SBF2: variants seen among roughly 807,000 people sequenced by gnomAD.
The protein encoded by SBF2 is myotubularin-related protein 13.
A neutral mutation model predicts 225.2 loss-of-function variants in SBF2; 112 were observed. That is an observed-to-expected ratio of 0.50 (90% confidence interval 0.43 to 0.58). The LOEUF (loss-of-function observed/expected upper bound fraction) is 0.58. Among genes scored for constraint, SBF2 ranks in the 20% least tolerant of loss-of-function variants. SBF2 has a pLI of 0.00. For synonymous variants in SBF2, 763 were observed against 773.3 expected (o/e 0.99, Z 0.22); for missense variants, 1,996 against 2,206.2 (o/e 0.90, Z 1.91).
In SBF2 at chr11:9,859,949, T is replaced by TG. The variant is rs1246208365; in HGVS notation, c.1930-1554_1930-1553insC. On this transcript the variant is annotated intron_variant, in intron 17 of 39. Coordinates refer to ENST00000256190, the MANE Select transcript of SBF2 (RefSeq NM_030962.4). ...CTCAATTCTCCCTATTAAGTGGCTG[T>TG]AAGTTGTGGCTATGAAGCAAAAATC... Among the ~76,000 whole-genome samples, 3 of 152,342 alleles carry TG rather than the reference T, an allele frequency of 2.0e-5. No individual in the cohort carries two copies. The East Asian group carries it at 5.8e-4, about 29-fold the overall frequency.
chr11:9,881,084 T>G (rs565836190), intron 17 of SBF2, among the ~76,000 whole-genome samples: 10 of 152,348 alleles, frequency 6.6e-5, no homozygotes, highest in Admixed American at 5.2e-4. Flanking sequence ...ACAGAGATAC[T>G]AGTGCTCCTT....
At chr11:9,826,749 G>A (rs990504664) in intron 28 of SBF2, among the ~76,000 whole-genome samples, 1 of 150,720 alleles carries the variant, frequency 6.6e-6, no homozygotes, top group Non-Finnish European at 1.5e-5. Flanking sequence ...GTGTGTGTGT[G>A]TATGTGTGTG....
intron 2 of SBF2, among the ~76,000 whole-genome samples, chr11:10,066,574 C>T (rs1950631750): frequency 6.6e-6 from 1 of 152,108 alleles, no homozygotes; most frequent in African/African-American, 2.4e-5. Context: ...TGAGCAAACA[C>T]TTCTGTTAAA....
At chr11:9,971,154 C>A (rs897564676) in intron 13 of SBF2, among the ~76,000 whole-genome samples, 4 of 151,764 alleles carry the variant, frequency 2.6e-5, no homozygotes, top group African/African-American at 9.7e-5. Flanking sequence ...AAAGTATATT[C>A]ATTACTTTGG....
intron 2 of SBF2, among the ~76,000 whole-genome samples, chr11:10,133,543 C>A (rs1256629425): frequency 7.4e-6 from 1 of 135,646 alleles, no homozygotes; most frequent in Admixed American, 7.6e-5. Flanking sequence ...CAGCCACTGG[C>A]CTGGGTGCTA....
chr11:10,294,320 GC>G (rs1166726549), upstream of SBF2: 3 of 340,548 alleles, frequency 8.8e-6, no homozygotes, highest in Non-Finnish European at 1.6e-5. Context: ...CCCTCCGCGG[GC>G]CTCGCGGACT....
At chr11:9,821,657 G>T (rs1028988842) in intron 28 of SBF2, among the ~76,000 whole-genome samples, 4 of 152,026 alleles carry the variant, frequency 2.6e-5, no homozygotes, top group African/African-American at 9.7e-5. Context: ...TAGTGGCTTG[G>T]GAAATCACTC....
chr11:10,111,964 A>G (rs1261495540), intron 2 of SBF2, among the ~76,000 whole-genome samples: 1 of 152,248 alleles, frequency 6.6e-6, no homozygotes, highest in African/African-American at 2.4e-5. Context: ...AAAATCTCCT[A>G]TTTCAGAGGA....
intron 16 of SBF2, among the ~76,000 whole-genome samples, chr11:9,947,935 G>A (rs1865658149): frequency 6.6e-6 from 1 of 152,126 alleles, no homozygotes; most frequent in South Asian, 2.1e-4. Context: ...ACTTTTGGCT[G>A]TATACTCAGA....
chr11:9,805,704 C>T (rs377087593), intron 32 of SBF2, among the ~76,000 whole-genome samples: 1 of 152,232 alleles, frequency 6.6e-6, no homozygotes, highest in African/African-American at 2.4e-5. Flanking sequence ...CTCAATGCAA[C>T]CTCCGCCTCC....
chr11:9,924,615 AGAGAC>A (rs1863888885), intron 16 of SBF2, among the ~76,000 whole-genome samples: 2 of 152,162 alleles, frequency 1.3e-5, no homozygotes, highest in African/African-American at 4.8e-5. Flanking sequence ...TATTTTTAGT[AGAGAC>A]GAGGTTTCAC....
intron 2 of SBF2, among the ~76,000 whole-genome samples, chr11:10,150,172 A>G (rs961312840): frequency 1.1e-4 from 17 of 152,194 alleles, no homozygotes; most frequent in African/African-American, 3.6e-4. Context: ...TATCATTTCA[A>G]GCAGACCCTT....
intron 26 of SBF2, among the ~76,000 whole-genome samples, chr11:9,835,925 T>C (rs1280737811): frequency 6.6e-6 from 1 of 152,146 alleles, no homozygotes; most frequent in African/African-American, 2.4e-5. Context: ...AACATTCTTG[T>C]AGATGTCTTT....
chr11:9,780,945 T>C (rs1343412978), intron 39 of SBF2: 3 of 299,100 alleles, frequency 1.0e-5, no homozygotes, highest in African/African-American at 2.2e-5. Flanking sequence ...TGGAGCCATA[T>C]TGGAAGCCCA....
intron 22 of SBF2, among the ~76,000 whole-genome samples, chr11:9,848,883 AAG>A (rs1590215829): frequency 6.6e-6 from 1 of 152,252 alleles, no homozygotes; most frequent in African/African-American, 2.4e-5. Context: ...CTGATGTACT[AAG>A]CCATCTTGAT....
chr11:9,833,615 T>G (rs1022095238), intron 26 of SBF2, among the ~76,000 whole-genome samples: 1 of 152,004 alleles, frequency 6.6e-6, no homozygotes, highest in Non-Finnish European at 1.5e-5. Context: ...AGAGACGGGG[T>G]TTCACCGTGT....
Position 9,976,608 on chromosome 11 carries a change from C to T in SBF2, c.1396-8063G>A, listed in dbSNP as rs531241531. Among the ~76,000 whole-genome samples the T allele has an allele frequency of 2.0e-5, 3 of 151,440 alleles. No homozygotes were observed. In the East Asian group the frequency reaches 5.8e-4, roughly 29 times the overall value. ...GGGCAACAAAGCGAGACACCACCTC[C>T]AAAATAAAAAGCAAAAAACAATAAA... On this transcript the variant is annotated intron_variant, in intron 13 of 39. Coordinates refer to ENST00000256190, the MANE Select transcript of SBF2 (RefSeq NM_030962.4).
chr11:10,176,647 G>A (rs940974589), intron 2 of SBF2, among the ~76,000 whole-genome samples: 13 of 152,178 alleles, frequency 8.5e-5, no homozygotes, highest in Non-Finnish European at 8.8e-5. Flanking sequence ...CCAGGAAGAA[G>A]TTGAATCTCT....
chr11:9,856,037 G>T (rs1350661214), intron 19 of SBF2, among the ~76,000 whole-genome samples: 1 of 152,172 alleles, frequency 6.6e-6, no homozygotes, highest in African/African-American at 2.4e-5. Flanking sequence ...AGTTTCAGTG[G>T]TATGAGAAGT....
Sources: allele counts gnomAD v4.1 joint callset (sites outside exome capture counted in the v4.1 genomes callset), GRCh38; gene constraint gnomAD v4.1.1; transcripts MANE v1.5; gene names NCBI Gene and HGNC (gene_info 2026-07-23, HGNC 2026-07-21).